The following MAGI2 variants were observed in gnomAD, a reference collection of about 807,000 sequenced individuals.
MAGI2 encodes membrane associated guanylate kinase, WW and PDZ domain containing 2.
A neutral mutation model predicts 133.3 loss-of-function variants in MAGI2; 35 were observed. The ratio of observed to expected loss-of-function variants is 0.26; its 90% CI spans 0.20 to 0.35. The LOEUF (loss-of-function observed/expected upper bound fraction) is 0.35, where lower values mean the gene tolerates loss of function less well. MAGI2 is among the 10% of genes least tolerant of loss of function. The pLI, the probability that MAGI2 is intolerant of heterozygous loss-of-function variation, is 1.00. For missense variants in MAGI2, 1,636 were observed against 1,863.4 expected, an observed-to-expected ratio of 0.88 and a Z score of 2.25; for synonymous variants, 729 against 710.6, an observed-to-expected ratio of 1.03 and a Z score of -0.41.
chr7:79,029,891 C>G (rs1281336807), intron 1 of MAGI2, among the ~76,000 whole-genome samples: 3 of 152,104 alleles, frequency 2.0e-5, no homozygotes, highest in African/African-American at 7.2e-5. Context: ...TTGTTCCAAG[C>G]AATTTCTTCA....
At chr7:78,070,172 CACAT>C (rs1181063929) in intron 21 of MAGI2, among the ~76,000 whole-genome samples, 4 of 28,888 alleles carry the variant, frequency 1.4e-4, no homozygotes, top group African/African-American at 4.5e-4. Context: ...TACACACACA[CACAT>C]ATATATATAT....
At chr7:78,889,035 G>T (rs1354319247) in intron 2 of MAGI2, among the ~76,000 whole-genome samples, 2 of 152,164 alleles carry the variant, frequency 1.3e-5, no homozygotes, top group Non-Finnish European at 2.9e-5. Context: ...AGTCCTTAAA[G>T]GACATGATGG....
At chr7:78,780,686 C>G (rs1213561204) in intron 2 of MAGI2, among the ~76,000 whole-genome samples, 2 of 152,180 alleles carry the variant, frequency 1.3e-5, no homozygotes, top group African/African-American at 4.8e-5. Context: ...ATGTGTGAGG[C>G]TTTCAAAGAA....
At chr7:79,301,867 T>G (rs138100939) in intron 1 of MAGI2, among the ~76,000 whole-genome samples, 4 of 152,292 alleles carry the variant, frequency 2.6e-5, no homozygotes, top group African/African-American at 9.6e-5. Context: ...GTCTTCATGA[T>G]AGTGAGTGAA....
At chr7:78,316,885 T>C (rs1787463266) in intron 9 of MAGI2, among the ~76,000 whole-genome samples, 1 of 152,196 alleles carries the variant, frequency 6.6e-6, no homozygotes, top group Non-Finnish European at 1.5e-5. Flanking sequence ...CTTTGCCAAG[T>C]GTTTTTTTCT....
intron 2 of MAGI2, among the ~76,000 whole-genome samples, chr7:78,884,393 A>T (rs1384034917): frequency 6.6e-6 from 1 of 152,138 alleles, no homozygotes; most frequent in Non-Finnish European, 1.5e-5. Context: ...CTGAGGTGGG[A>T]GGATTACTTG....
chr7:78,857,494 G>GC (rs1793758565), intron 2 of MAGI2, among the ~76,000 whole-genome samples: 1 of 152,270 alleles, frequency 6.6e-6, no homozygotes, highest in African/African-American at 2.4e-5. Context: ...GGCCTTTTCT[G>GC]CATCTATTGA....
intron 20 of MAGI2, among the ~76,000 whole-genome samples, chr7:78,082,166 G>A (rs1816045852): frequency 2.0e-5 from 3 of 152,148 alleles, no homozygotes; most frequent in South Asian, 4.1e-4. Flanking sequence ...AAATAGTCCC[G>A]TCTTTTGACT....
At chr7:78,842,613 C>G (rs1792240535) in intron 2 of MAGI2, among the ~76,000 whole-genome samples, 1 of 151,586 alleles carries the variant, frequency 6.6e-6, no homozygotes, top group South Asian at 2.1e-4. Context: ...TCAGAATAGT[C>G]TGTCAATATA....
At chr7:78,342,934 T>C (rs1235335155) in intron 9 of MAGI2, among the ~76,000 whole-genome samples, 1 of 152,234 alleles carries the variant, frequency 6.6e-6, no homozygotes, top group Admixed American at 6.5e-5. Flanking sequence ...GTTCTGCACA[T>C]GTACCCCAGA....
chr7:78,125,666 C>A (rs1375904465), intron 20 of MAGI2, 28 bp downstream of exon 20: 12 of 1,606,764 alleles, frequency 7.5e-6, no homozygotes, highest in Non-Finnish European at 1.0e-5. Flanking sequence ...CAGAATTAAG[C>A]AATTCTATAA....
intron 2 of MAGI2, among the ~76,000 whole-genome samples, chr7:78,699,722 T>C (rs993842844): frequency 6.6e-6 from 1 of 152,188 alleles, no homozygotes; most frequent in Non-Finnish European, 1.5e-5. Context: ...TAAGTCAGTA[T>C]CTTGTGGCTT....
chr7:79,345,364 T>C (rs1394551873), intron 1 of MAGI2, among the ~76,000 whole-genome samples: 1 of 152,078 alleles, frequency 6.6e-6, no homozygotes, highest in African/African-American at 2.4e-5. Flanking sequence ...AGATTCTTTC[T>C]CACAGGACTC....
chr7:78,181,654 AG>A (rs1268756069), intron 13 of MAGI2, among the ~76,000 whole-genome samples: 4 of 152,194 alleles, frequency 2.6e-5, no homozygotes, highest in African/African-American at 9.6e-5. Context: ...TCCTCTTCCT[AG>A]ATGGAATTTT....
intron 3 of MAGI2, among the ~76,000 whole-genome samples, chr7:78,572,704 C>A (rs1226088886): frequency 6.6e-6 from 1 of 151,586 alleles, no homozygotes; most frequent in Non-Finnish European, 1.5e-5. Flanking sequence ...CTCTTGTTGC[C>A]CAGGCTGGAG....
At chr7:78,340,227 A>G (rs1467472291) in intron 9 of MAGI2, among the ~76,000 whole-genome samples, 2 of 152,198 alleles carry the variant, frequency 1.3e-5, no homozygotes, top group African/African-American at 4.8e-5. Context: ...ATTCCTTTAG[A>G]GATATAGTTA....
intron 10 of MAGI2, among the ~76,000 whole-genome samples, chr7:78,245,840 G>T (rs1490483100): frequency 6.6e-6 from 1 of 152,084 alleles, no homozygotes; most frequent in Non-Finnish European, 1.5e-5. Context: ...AGCCGACACG[G>T]TGCCTTGCCC....
chr7:78,403,311 G>A (rs567717107), intron 6 of MAGI2, among the ~76,000 whole-genome samples: 1 of 152,232 alleles, frequency 6.6e-6, no homozygotes, highest in South Asian at 2.1e-4. Context: ...TCATCCATGT[G>A]CCTACAAAGA....
intron 1 of MAGI2, among the ~76,000 whole-genome samples, chr7:79,196,989 C>T (rs1404815882): frequency 6.6e-6 from 1 of 151,800 alleles, no homozygotes; most frequent in East Asian, 1.9e-4. Context: ...CCATGTTGCT[C>T]TAGCTAGTCT....
Sources: gnomAD v4.1 joint callset for allele counts (sites outside exome capture counted in the v4.1 genomes callset) on GRCh38, gnomAD v4.1.1 for gene constraint, MANE v1.5 for transcripts, NCBI Gene and HGNC (gene_info 2026-07-23, HGNC 2026-07-21) for gene names.